Variants in ENAH observed in about 807,000 individuals in gnomAD.
The protein encoded by ENAH is ENAH actin regulator.
ENAH carries 23 observed loss-of-function variants against 78.7 expected under a neutral mutation model. The observed-to-expected ratio is 0.29, with a 90% confidence interval of 0.21 to 0.41. The LOEUF (loss-of-function observed/expected upper bound fraction) is 0.41. ENAH is among the 10% of genes least tolerant of loss of function. ENAH has a pLI of 1.00. For synonymous variants in ENAH, 226 were observed against 241.0 expected (o/e 0.94, Z 0.58); for missense variants, 544 against 691.0 (o/e 0.79, Z 2.39).
intron 12 of ENAH, 149 bp downstream of exon 12, chr1:225,500,843 A>C: frequency 1.4e-6 from 1 of 717,414 alleles, no homozygotes; most frequent in South Asian, 2.1e-5. Flanking sequence ...GCAAAAATGC[A>C]GTACTACTAA....
Position 225,519,575 on chromosome 1 carries a change from A to G in ENAH, c.435-10T>C. ...CTGTTCTTGTAGTTGTCTGGAAAAA[A>G]AAAAAAAAAAGTAAAAACATGCATC... On this transcript the variant is annotated splice_polypyrimidine_tract_variant and intron_variant, in intron 4 of 13. Coordinates refer to ENST00000366843, the MANE Select transcript of ENAH (RefSeq NM_018212.6). The G allele has an allele frequency of 1.9e-6, 3 of 1,582,526 alleles. No homozygotes were observed. Among genetic ancestry groups the G allele is most frequent in the South Asian group, 1.2e-5 (1 of 85,788 alleles).
At chr1:225,624,371 C>T (rs1163896073) in intron 1 of ENAH, among the ~76,000 whole-genome samples, 2 of 152,060 alleles carry the variant, frequency 1.3e-5, no homozygotes, top group African/African-American at 4.8e-5. Flanking sequence ...CACCTGTAAT[C>T]CCAGCATTTT....
intron 1 of ENAH, among the ~76,000 whole-genome samples, chr1:225,607,280 C>T (rs1412594723): frequency 2.0e-5 from 3 of 152,254 alleles, no homozygotes; most frequent in Admixed American, 6.5e-5. Flanking sequence ...AGAAAGTTTA[C>T]GAATTTGTGT....
intron 9 of ENAH, among the ~76,000 whole-genome samples, chr1:225,512,078 T>C (rs75170577): frequency 0.043 from 6,538 of 152,260 alleles, 231 homozygotes; most frequent in South Asian, 0.11. Context: ...TGTGTTCTCC[T>C]TGAGAACTTT....
intron 1 of ENAH, among the ~76,000 whole-genome samples, chr1:225,622,148 CTGAAGGTTATTATACATAT>C (rs770723114): frequency 6.0e-4 from 92 of 152,252 alleles, no homozygotes; most frequent in Non-Finnish European, 8.5e-4. Context: ...AAAAAGAACA[CTGAAGGTTATTATACATAT>C]TGAGTGTTAG....
Position 225,519,583 on chromosome 1 carries a change from A to T in ENAH, c.435-18T>A, listed in dbSNP as rs780154740. On this transcript the variant is annotated intron_variant, in intron 4 of 13. Transcript: ENST00000366843. ...GTAGTTGTCTGGAAAAAAAAAAAAA[A>T]AAGTAAAAACATGCATCTATGGCTA... 2 of 1,583,984 alleles carry T rather than the reference A, an allele frequency of 1.3e-6. No individual in the cohort carries two copies. The highest frequency in any genetic ancestry group is 1.7e-6 in the Non-Finnish European group (2 of 1,172,358).
intron 4 of ENAH, among the ~76,000 whole-genome samples, chr1:225,527,270 T>C (rs1158696847): frequency 2.0e-5 from 3 of 152,334 alleles, no homozygotes; most frequent in East Asian, 3.9e-4. Context: ...ACTCAACTTA[T>C]GAAGTAAAAA....
intron 1 of ENAH, among the ~76,000 whole-genome samples, chr1:225,649,914 T>C (rs1662659524): frequency 6.6e-6 from 1 of 152,242 alleles, no homozygotes; most frequent in African/African-American, 2.4e-5. Context: ...TTCCTATTTC[T>C]GGATGGCCTT....
intron 3 of ENAH, among the ~76,000 whole-genome samples, chr1:225,534,861 T>C (rs12566165): frequency 0.064 from 9,718 of 152,160 alleles, 387 homozygotes; most frequent in African/African-American, 0.11. Context: ...TTCTCTCTAA[T>C]TTGGGGTGGC....
chr1:225,492,666 T>A lies in ENAH; in HGVS notation c.*5109A>T, dbSNP rs561659752. On this transcript the variant is annotated 3_prime_UTR_variant, in exon 14 of 14. Transcript: ENST00000366843. ...TGTTAATCTGCAAATACTCAAGGCC[T>A]ACTATGTGCTTTAAATGATACTAAC... 2.6e-4 allele frequency: 39 copies of A among 152,230 alleles called. No individual in the cohort carries two copies. The highest frequency in any genetic ancestry group is 4.9e-4 in the Non-Finnish European group (33 of 68,038). The allele number at this position is 152,230 out of a possible 1,614,324, so 9.4% of individuals were successfully genotyped here. A position where few individuals can be genotyped will look rare whatever the true frequency, so the allele number is the denominator to read the frequency against.
chr1:225,635,960 T>C (rs891849922), intron 1 of ENAH, among the ~76,000 whole-genome samples: 3 of 152,194 alleles, frequency 2.0e-5, no homozygotes, highest in Non-Finnish European at 4.4e-5. Context: ...GCTCTGCAAA[T>C]TTCAGACTCA....
At chr1:225,640,664 A>C (rs910038469) in intron 1 of ENAH, among the ~76,000 whole-genome samples, 1 of 152,138 alleles carries the variant, frequency 6.6e-6, no homozygotes, top group South Asian at 2.1e-4. Flanking sequence ...CAAGTCACTT[A>C]ACTCTCTGTG....
At chr1:225,583,921 G>A (rs1303619239) in intron 1 of ENAH, among the ~76,000 whole-genome samples, 1 of 152,188 alleles carries the variant, frequency 6.6e-6, no homozygotes, top group African/African-American at 2.4e-5. Flanking sequence ...GGGAGGCCAA[G>A]GCAGGCAGAT....
intron 5 of ENAH, 49 bp from the exon 6 acceptor site, chr1:225,517,355 C>T (rs1261038444): frequency 6.4e-7 from 1 of 1,551,518 alleles, no homozygotes; most frequent in East Asian, 2.4e-5. Context: ...GGAGTTGAGG[C>T]AATAGGGGTG....
chr1:225,497,819 G>A lies in ENAH; in HGVS notation c.1676-7C>T, dbSNP rs576336018. 5 of 1,610,392 alleles carry A rather than the reference G, an allele frequency of 3.1e-6. No individual in the cohort carries two copies. Among genetic ancestry groups the A allele is most frequent in the East Asian group, 2.2e-5 (1 of 44,790 alleles). ...CTCAGTTCCTGCCTGATTGCTGGAT[G>A]GAAAAGAACAAGTATTGAAAATAAA... is the stretch of plus-strand genomic sequence containing the variant. On this transcript the variant is annotated splice_region_variant and splice_polypyrimidine_tract_variant and intron_variant, in intron 13 of 13. Coordinates refer to ENST00000366843, the MANE Select transcript of ENAH (RefSeq NM_018212.6).
intron 4 of ENAH, chr1:225,524,664 CATTGTT>C: frequency 2.6e-3 from 3 of 1,134 alleles, no homozygotes; most frequent in Non-Finnish European, 2.9e-3. Context: ...TATACACTCT[CATTGTT>C]CCAACATTGT....
chr1:225,577,754 G>A (rs2096795245), intron 1 of ENAH, among the ~76,000 whole-genome samples: 1 of 152,072 alleles, frequency 6.6e-6, no homozygotes, highest in Non-Finnish European at 1.5e-5. Flanking sequence ...AAATCTATTG[G>A]GTCATTCTGC....
At position 225,495,304 on chromosome 1, in the gene ENAH, A is replaced by G. The variant is rs1352559860; in HGVS notation, c.*2471T>C. On this transcript the variant is annotated 3_prime_UTR_variant, in exon 14 of 14. Coordinates refer to ENST00000366843, the MANE Select transcript of ENAH (RefSeq NM_018212.6). ...GTGGTTTTGATAAGGTAAATAACTT[A>G]GGCTTCTGTTTCCCATTTTAATTAC... is the stretch of plus-strand genomic sequence containing the variant. 2.0e-5 allele frequency: 3 copies of G among 152,554 alleles called. No individual in the cohort carries two copies. The highest frequency in any genetic ancestry group is 2.0e-4 in the Admixed American group (3 of 15,282). The allele number at this position is 152,554 out of a possible 1,614,324, so 9.5% of individuals were successfully genotyped here.
chr1:225,632,652 AC>A (rs1399958353), intron 1 of ENAH, among the ~76,000 whole-genome samples: 49 of 152,242 alleles, frequency 3.2e-4, no homozygotes. Context: ...ATGAATCTAT[AC>A]ATTATCAGAA....
Sources: allele counts gnomAD v4.1 joint callset (sites outside exome capture counted in the v4.1 genomes callset), GRCh38; gene constraint gnomAD v4.1.1; transcripts MANE v1.5; gene names NCBI Gene and HGNC (gene_info 2026-07-23, HGNC 2026-07-21).